PCSK5: variants seen among roughly 807,000 people sequenced by gnomAD.
PCSK5 encodes the protein proprotein convertase subtilisin/kexin type 5, also known as prohormone convertase 5.
In PCSK5, 129 loss-of-function variants were observed where a neutral mutation model predicts 233.2. The ratio of observed to expected loss-of-function variants is 0.55; its 90% confidence interval spans 0.48 to 0.64. PCSK5 has a LOEUF of 0.64. PCSK5 is among the 30% of genes least tolerant of loss of function. PCSK5 has a pLI of 0.00. For synonymous variants in PCSK5, 825 were observed against 879.2 expected, an observed-to-expected ratio of 0.94 and a Z score of 1.09; for missense variants, 2,076 against 2,430.1, an observed-to-expected ratio of 0.85 and a Z score of 3.06.
chr9:75,924,901 G>T (rs1481124441), intron 1 of PCSK5, among the ~76,000 whole-genome samples: 2 of 152,066 alleles, frequency 1.3e-5, no homozygotes, highest in Non-Finnish European at 2.9e-5. Context: ...GTGTGGCCCC[G>T]GGCAGGTTCT....
intron 26 of PCSK5, among the ~76,000 whole-genome samples, chr9:76,295,856 G>A (rs1210020459): frequency 2.0e-5 from 3 of 152,212 alleles, no homozygotes; most frequent in African/African-American, 7.2e-5. Context: ...GGATAGTTAG[G>A]AAAGAAATAC....
intron 29 of PCSK5, 132 bp downstream of exon 29, chr9:76,308,860 C>T (rs1564170805): frequency 1.6e-6 from 1 of 618,388 alleles, no homozygotes. Flanking sequence ...ATTACAGTGG[C>T]TACTCGGGAG....
At chr9:75,992,718 G>A (rs1286891520) in intron 3 of PCSK5, among the ~76,000 whole-genome samples, 5 of 152,112 alleles carry the variant, frequency 3.3e-5, no homozygotes, top group African/African-American at 1.2e-4. Flanking sequence ...AGTTAGCACA[G>A]TAGAACTTTT....
chr9:76,189,571 A>T (rs184196858), intron 19 of PCSK5, 60 bp from the exon 20 acceptor site: 9 of 1,034,628 alleles, frequency 8.7e-6, no homozygotes, highest in Non-Finnish European at 1.4e-5. Flanking sequence ...GGTTGCTAGT[A>T]AACACACCTT....
intron 1 of PCSK5, among the ~76,000 whole-genome samples, chr9:75,917,033 G>A (rs1469694678): frequency 6.6e-6 from 1 of 152,090 alleles, no homozygotes; most frequent in Non-Finnish European, 1.5e-5. Context: ...GCTGGGCATG[G>A]TGGCACGTGC....
intron 2 of PCSK5, among the ~76,000 whole-genome samples, chr9:75,952,278 A>G (rs1311463067): frequency 6.6e-6 from 1 of 152,232 alleles, no homozygotes; most frequent in Non-Finnish European, 1.5e-5. Flanking sequence ...AGTCTTAAGC[A>G]TAAGGTCTTT....
intron 1 of PCSK5, among the ~76,000 whole-genome samples, chr9:75,905,079 A>G (rs1352592606): frequency 6.6e-6 from 1 of 152,250 alleles, no homozygotes; most frequent in Non-Finnish European, 1.5e-5. Context: ...TTCTGTTTAT[A>G]TAAAATGTCC....
chr9:75,990,900 C>T (rs759328086), intron 3 of PCSK5, among the ~76,000 whole-genome samples: 10 of 152,094 alleles, frequency 6.6e-5, no homozygotes, highest in African/African-American at 1.4e-4. Context: ...TCAGAACTAA[C>T]GTGTAGTATG....
At chr9:75,962,474 G>C (rs1329232675) in intron 2 of PCSK5, among the ~76,000 whole-genome samples, 1 of 152,178 alleles carries the variant, frequency 6.6e-6, no homozygotes, top group Non-Finnish European at 1.5e-5. Context: ...GGCTAGGAAT[G>C]CGGTAGAGTG....
intron 2 of PCSK5, among the ~76,000 whole-genome samples, chr9:75,963,778 C>G (rs79205085): frequency 0.012 from 1,811 of 152,266 alleles, 36 homozygotes; most frequent in African/African-American, 0.037. Context: ...ACTTGGGAGA[C>G]TGGGGCAGGA....
chr9:75,988,656 A>T (rs1016934019), intron 3 of PCSK5, among the ~76,000 whole-genome samples: 3 of 151,962 alleles, frequency 2.0e-5, no homozygotes, highest in African/African-American at 7.3e-5. Flanking sequence ...TGCTCAAATG[A>T]TCCTCCCACT....
chr9:76,042,613 G>T (rs1206461213), intron 5 of PCSK5, among the ~76,000 whole-genome samples: 1 of 152,012 alleles, frequency 6.6e-6, no homozygotes, highest in Non-Finnish European at 1.5e-5. Flanking sequence ...CTGAGATCAC[G>T]CCACGGCATG....
chr9:76,256,719 G>A (rs1402394182), intron 24 of PCSK5, among the ~76,000 whole-genome samples: 2 of 152,184 alleles, frequency 1.3e-5, no homozygotes, highest in African/African-American at 4.8e-5. Context: ...AAATAAAAAT[G>A]AGTCTGGCAG....
At chr9:75,995,539 A>G (rs1160494489) in intron 3 of PCSK5, among the ~76,000 whole-genome samples, 3 of 152,078 alleles carry the variant, frequency 2.0e-5, no homozygotes, top group Non-Finnish European at 4.4e-5. Flanking sequence ...TTTATCTGGG[A>G]GTGCTTTTTC....
intron 2 of PCSK5, among the ~76,000 whole-genome samples, chr9:75,980,359 C>T (rs1826221666): frequency 6.6e-6 from 1 of 152,154 alleles, no homozygotes; most frequent in Non-Finnish European, 1.5e-5. Flanking sequence ...TTTGGTAACA[C>T]TGTTCTGAAT....
At chr9:76,247,007 T>C (rs757368348) in intron 24 of PCSK5, among the ~76,000 whole-genome samples, 15 of 152,240 alleles carry the variant, frequency 9.9e-5, no homozygotes, top group Non-Finnish European at 1.9e-4. Flanking sequence ...GTGAGTGTTA[T>C]AGCTCTATTA....
chr9:76,336,888 T>C (rs975828866), intron 34 of PCSK5, among the ~76,000 whole-genome samples: 1 of 152,112 alleles, frequency 6.6e-6, no homozygotes, highest in African/African-American at 2.4e-5. Context: ...ACTGTAGTCT[T>C]GTTCCAGAGG....
chr9:76,214,602 A>T (rs993481688), intron 20 of PCSK5, among the ~76,000 whole-genome samples: 3 of 152,182 alleles, frequency 2.0e-5, no homozygotes, highest in African/African-American at 7.2e-5. Context: ...TTTAAAAAAC[A>T]AGCAGTATAC....
chr9:76,160,849 C>T (rs1822823559), intron 12 of PCSK5, among the ~76,000 whole-genome samples: 2 of 151,936 alleles, frequency 1.3e-5, no homozygotes, highest in South Asian at 4.2e-4. Flanking sequence ...TCTCGGCTCA[C>T]TGCATCCTCC....
Sources: allele counts gnomAD v4.1 joint callset (sites outside exome capture counted in the v4.1 genomes callset), GRCh38; gene constraint gnomAD v4.1.1; transcripts MANE v1.5; gene names NCBI Gene and HGNC (gene_info 2026-07-23, HGNC 2026-07-21).